Variants in ZBTB40 observed in about 807,000 individuals in gnomAD.
The protein encoded by ZBTB40 is zinc finger and BTB domain containing 40, also known as zinc finger and BTB domain-containing protein 40.
In ZBTB40, 60 loss-of-function variants were observed where a neutral mutation model predicts 117.5. The observed-to-expected ratio is 0.51, with a 90% CI of 0.41 to 0.63. The LOEUF (loss-of-function observed/expected upper bound fraction) is 0.63, where lower values mean the gene tolerates loss of function less well. Ranked by LOEUF, ZBTB40 falls within the 30% of genes least tolerant of loss-of-function variation. The pLI, the probability that ZBTB40 is intolerant of heterozygous loss-of-function variation, is 0.00. For missense variants in ZBTB40, 1,287 were observed against 1,498.5 expected, an observed-to-expected ratio of 0.86 and a Z score of 2.33; for synonymous variants, 525 against 577.1, an observed-to-expected ratio of 0.91 and a Z score of 1.29.
At chr1:22,503,933 T>C (rs1639014184) in intron 5 of ZBTB40, among the ~76,000 whole-genome samples, 1 of 152,254 alleles carries the variant, frequency 6.6e-6, no homozygotes, top group South Asian at 2.1e-4. Flanking sequence ...ACAGCATTTA[T>C]AGATAGAGTC....
upstream of ZBTB40, among the ~76,000 whole-genome samples, chr1:22,451,646 CAAA>C (rs1382781395): frequency 4.7e-5 from 5 of 106,972 alleles, no homozygotes; most frequent in African/African-American, 7.0e-5. Context: ...TCTCCCATCT[CAAA>C]AAAAAAAAAA....
At chr1:22,468,460 GTTTCCTTT>G (rs1557488412) in intron 1 of ZBTB40, among the ~76,000 whole-genome samples, 1 of 88,776 alleles carries the variant, frequency 1.1e-5, no homozygotes, top group Non-Finnish European at 2.4e-5. Context: ...AAATGTTAAT[GTTTCCTTT>G]TTTTTTTTTT....
At chr1:22,508,234 C>A in intron 7 of ZBTB40, 97 bp downstream of exon 7, 2 of 1,378,052 alleles carry the variant, frequency 1.5e-6, no homozygotes, top group Non-Finnish European at 2.0e-6. Context: ...TGTAAATATA[C>A]ATATGTAGCC....
upstream of ZBTB40, among the ~76,000 whole-genome samples, chr1:22,448,881 C>G (rs895050136): frequency 6.6e-6 from 1 of 151,564 alleles, no homozygotes; most frequent in Non-Finnish European, 1.5e-5. Flanking sequence ...GGCGTGATTT[C>G]GGCTCACTGC....
At chr1:22,499,374 A>C (rs1638864828) in intron 3 of ZBTB40, among the ~76,000 whole-genome samples, 1 of 152,224 alleles carries the variant, frequency 6.6e-6, no homozygotes, top group Admixed American at 6.5e-5. Flanking sequence ...CTTAGAAGCA[A>C]GTCACGAGGT....
chr1:22,477,482 C>G (rs1434804987), intron 1 of ZBTB40, among the ~76,000 whole-genome samples: 2 of 151,990 alleles, frequency 1.3e-5, no homozygotes, highest in Non-Finnish European at 2.9e-5. Flanking sequence ...AACCCCGTCT[C>G]TACTAAAGAT....
chr1:22,491,045 G>A (rs937549573), intron 2 of ZBTB40, among the ~76,000 whole-genome samples: 2 of 152,172 alleles, frequency 1.3e-5, no homozygotes, highest in Non-Finnish European at 2.9e-5. Flanking sequence ...ACAGGCATGT[G>A]CCACCACGCC....
chr1:22,458,479 C>T (rs1182151461), intron 1 of ZBTB40, among the ~76,000 whole-genome samples: 1 of 152,236 alleles, frequency 6.6e-6, no homozygotes, highest in Non-Finnish European at 1.5e-5. Flanking sequence ...GCTGCTCCCT[C>T]TCCCTGGACT....
chr1:22,522,439 G>T lies in ZBTB40; in HGVS notation c.3274G>T (p.Val1092Phe). The T allele has an allele frequency of 1.9e-6, 3 of 1,614,182 alleles. No homozygotes were observed. The highest frequency in any genetic ancestry group is 2.5e-6 in the Non-Finnish European group (3 of 1,180,030). The change falls in exon 16 of 18, where the codon GTT (valine) becomes TTT (phenylalanine). Residue 1092 changes from valine to phenylalanine, a missense_variant. This residue lies in a region of ZBTB40 where 417 missense variants were observed against 564.1 expected (regional missense o/e 0.74). Coordinates refer to ENST00000375647, the MANE Select transcript of ZBTB40 (RefSeq NM_014870.4). ...CTTCCCCACGCCAGCCTTGCTGCAG[G>T]TTCATGTCAAGTGCCAGCATTCAGG... ...ELFPTPALLQVHVKCQHSGSQ... is the reference protein window; with the variant it reads ...ELFPTPALLQFHVKCQHSGSQ...
At chr1:22,468,249 C>T (rs556190321) in intron 1 of ZBTB40, among the ~76,000 whole-genome samples, 13 of 152,074 alleles carry the variant, frequency 8.5e-5, no homozygotes, top group African/African-American at 2.7e-4. Flanking sequence ...CCAAGGTCAC[C>T]GAGTAAGTGT....
At chr1:22,512,737 G>C (rs1056778629) in intron 11 of ZBTB40, among the ~76,000 whole-genome samples, 187 bp from the exon 12 acceptor site, 2 of 152,190 alleles carry the variant, frequency 1.3e-5, no homozygotes, top group African/African-American at 4.8e-5. Context: ...CTTTGGGGAT[G>C]CCAGTTGGTG....
chr1:22,461,422 A>C (rs1404785922), intron 1 of ZBTB40, among the ~76,000 whole-genome samples: 1 of 151,236 alleles, frequency 6.6e-6, no homozygotes, highest in African/African-American at 2.4e-5. Context: ...ATAGAATCCC[A>C]TAGGCTCTTT....
At chr1:22,434,115 C>T (rs1384583336) in intron 1 of ZBTB40, among the ~76,000 whole-genome samples, 4 of 152,162 alleles carry the variant, frequency 2.6e-5, no homozygotes, top group Non-Finnish European at 5.9e-5. Flanking sequence ...ATCACATTGT[C>T]AGACTTCCAG....
intron 6 of ZBTB40, 76 bp from the exon 7 acceptor site, chr1:22,507,925 C>T: frequency 3.1e-6 from 5 of 1,608,482 alleles, no homozygotes; most frequent in Non-Finnish European, 4.3e-6. Context: ...CTTCCTCTCT[C>T]ATTGGTAATA....
intron 1 of ZBTB40, among the ~76,000 whole-genome samples, chr1:22,431,273 A>T: frequency 6.7e-6 from 1 of 148,302 alleles, no homozygotes; most frequent in African/African-American, 2.5e-5. Context: ...TATTGAATAT[A>T]TACAATATTG....
At position 22,457,492 on chromosome 1, in the gene ZBTB40, A is replaced by G. The variant is rs139276799; in HGVS notation, c.-70+5488A>G. Among the ~76,000 whole-genome samples, 397 of 152,204 alleles carry G rather than the reference A, an allele frequency of 2.6e-3. 2 individuals are homozygous for G. The highest frequency in any genetic ancestry group is 0.01 in the Middle Eastern group (3 of 294). On this transcript the variant is annotated intron_variant, in intron 1 of 17. Transcript: ENST00000375647. Reference sequence around the variant, plus strand: ...AGTTACTTCCATTTAAGCATTAGAGATTTTCCATCTGTCTGACCCCTGGAG... The same window carrying G: ...AGTTACTTCCATTTAAGCATTAGAGGTTTTCCATCTGTCTGACCCCTGGAG...
At chr1:22,477,028 T>G (rs1641564792) in intron 1 of ZBTB40, among the ~76,000 whole-genome samples, 1 of 152,182 alleles carries the variant, frequency 6.6e-6, no homozygotes, top group Admixed American at 6.5e-5. Context: ...AACAGTAAAA[T>G]ATATATTAGA....
intron 1 of ZBTB40, among the ~76,000 whole-genome samples, chr1:22,463,897 T>C (rs2124393194): frequency 6.6e-6 from 1 of 152,340 alleles, no homozygotes; most frequent in South Asian, 2.1e-4. Flanking sequence ...AGAAATTAAT[T>C]GAAAAGAATG....
In ZBTB40 at chr1:22,526,591, C is replaced by T. The variant is rs764266683; in HGVS notation, c.*195C>T. 7 of 659,714 alleles carry T rather than the reference C, an allele frequency of 1.1e-5. No individual in the cohort carries two copies. The highest frequency in any genetic ancestry group is 1.7e-5 in the South Asian group (1 of 57,796). The allele number at this position is 659,714 out of a possible 1,614,324, so 40.9% of individuals were successfully genotyped here. Reference sequence around the variant, plus strand: ...ACCAACAGCATCTGAGCCCTCAACACCAACAGCACCATCCTCTGTAGCAGA... The same window carrying T: ...ACCAACAGCATCTGAGCCCTCAACATCAACAGCACCATCCTCTGTAGCAGA... On this transcript the variant is annotated 3_prime_UTR_variant, in exon 18 of 18. Transcript: ENST00000375647.
Sources: gnomAD v4.1 joint callset for allele counts (sites outside exome capture counted in the v4.1 genomes callset) on GRCh38, gnomAD v4.1.1 for gene constraint, gnomAD v4.1.1 regional missense constraint, MANE v1.5 for transcripts, NCBI Gene and HGNC (gene_info 2026-07-23, HGNC 2026-07-21) for gene names.